The following WNT9A variants were observed in gnomAD, a reference collection of about 807,000 sequenced individuals.
WNT9A encodes the protein protein Wnt-9a.
Under a neutral mutation model 31.4 loss-of-function variants are expected in WNT9A, and 8 were observed. The ratio of observed to expected loss-of-function variants is 0.26; its 90% CI spans 0.15 to 0.46. WNT9A has a LOEUF of 0.46. WNT9A is among the 20% of genes least tolerant of loss of function. The probability of loss-of-function intolerance (pLI) is 0.99; values close to 1 mark genes in which losing one functional copy is unlikely to be tolerated. For synonymous variants in WNT9A, 236 were observed against 220.1 expected, an observed-to-expected ratio of 1.07 and a Z score of -0.64; for missense variants, 457 against 522.9, an observed-to-expected ratio of 0.87 and a Z score of 1.23.
intron 1 of WNT9A, among the ~76,000 whole-genome samples, chr1:227,944,391 C>T (rs1018689364): frequency 6.6e-6 from 1 of 152,100 alleles, no homozygotes; most frequent in South Asian, 2.1e-4. Flanking sequence ...CTGCCTAATG[C>T]GTATGAGGTT....
chr1:227,931,796 TG>T (rs1354534219), intron 1 of WNT9A, among the ~76,000 whole-genome samples: 1 of 152,056 alleles, frequency 6.6e-6, no homozygotes, highest in African/African-American at 2.4e-5. Flanking sequence ...ATCTTTTCGC[TG>T]GGGGAGGGTC....
rs1049395274 is a variant in WNT9A, at chr1:227,927,036, T to C, written c.96-1517A>G. 3.9e-5 allele frequency among the ~76,000 whole-genome samples: 6 copies of C among 151,918 alleles called. No individual in the cohort carries two copies. In the East Asian group the frequency reaches 7.8e-4, roughly 20 times the overall value. Reference sequence around the variant, plus strand: ...TCCACAGGAGCCACCCACCTGGTGGTCATGCTGAGATACCCTGCCCGGCCA... The same window carrying C: ...TCCACAGGAGCCACCCACCTGGTGGCCATGCTGAGATACCCTGCCCGGCCA... On this transcript the variant is annotated intron_variant, in intron 1 of 3. Coordinates refer to ENST00000272164, the MANE Select transcript of WNT9A (RefSeq NM_003395.4).
intron 1 of WNT9A, among the ~76,000 whole-genome samples, chr1:227,931,283 G>C (rs1045091523): frequency 6.6e-6 from 1 of 152,140 alleles, no homozygotes; most frequent in African/African-American, 2.4e-5. Flanking sequence ...GATGTCTTCC[G>C]ATAGTGTCTT....
intron 1 of WNT9A, among the ~76,000 whole-genome samples, chr1:227,937,929 G>A (rs1462092441): frequency 2.0e-5 from 3 of 152,184 alleles, no homozygotes; most frequent in African/African-American, 7.2e-5. Context: ...CCAAAACCCA[G>A]CATGAGGCCA....
Position 227,921,329 on chromosome 1 carries a change from C to T in WNT9A, c.*189G>A, listed in dbSNP as rs764448446. ...CTAGGACTGAGCCCAGGGACTCACCCCACGCTGCTAGGTCTGAGCCCAGGG... is the reference window on the plus strand; with the variant it reads ...CTAGGACTGAGCCCAGGGACTCACCTCACGCTGCTAGGTCTGAGCCCAGGG... On this transcript the variant is annotated 3_prime_UTR_variant, in exon 4 of 4. Coordinates refer to ENST00000272164, the MANE Select transcript of WNT9A (RefSeq NM_003395.4). 7 of 876,654 alleles carry T rather than the reference C, an allele frequency of 8.0e-6. No individual in the cohort carries two copies. Among genetic ancestry groups the T allele is most frequent in the Non-Finnish European group, 1.2e-5 (7 of 589,814 alleles). 54.3% of individuals were successfully genotyped at this position (876,654 alleles called of 1,614,324 possible). A position where few individuals can be genotyped will look rare whatever the true frequency, so the allele number is the denominator to read the frequency against.
Position 227,924,061 on chromosome 1 carries a change from G to GT in WNT9A, c.615+76dup. On this transcript the variant is annotated intron_variant, in intron 3 of 3. Transcript: ENST00000272164. ...CTGCCCTGCTGCAGCCCCGCCCCCA[G>GT]TCCCACGCCCCACCCCCAACCCCCT... 5 of 114,742 alleles carry GT rather than the reference G, an allele frequency of 4.4e-5. 1 individual carries two copies. The highest frequency in any genetic ancestry group is 4.9e-4 in the South Asian group (2 of 4,108). The allele number at this position is 114,742 out of a possible 1,614,324, so 7.1% of individuals were successfully genotyped here. A position where few individuals can be genotyped will look rare whatever the true frequency, so the allele number is the denominator to read the frequency against.
At chr1:227,939,353 G>A (rs548555916) in intron 1 of WNT9A, among the ~76,000 whole-genome samples, 1 of 152,320 alleles carries the variant, frequency 6.6e-6, no homozygotes, top group African/African-American at 2.4e-5. Context: ...CCACAGGAGT[G>A]GAGCTTAGCA....
intron 2 of WNT9A, 42 bp from the exon 3 acceptor site, chr1:227,924,442 G>A: frequency 6.3e-7 from 1 of 1,585,990 alleles, no homozygotes; most frequent in Non-Finnish European, 8.6e-7. Flanking sequence ...AGGCTGCCCA[G>A]AGTTCCCCCT....
intron 1 of WNT9A, among the ~76,000 whole-genome samples, chr1:227,939,549 C>G (rs1370021286): frequency 6.6e-6 from 1 of 152,160 alleles, no homozygotes; most frequent in Admixed American, 6.5e-5. Context: ...GACAGCCACC[C>G]CACACTGCCA....
In WNT9A at chr1:227,926,338, C is replaced by T. The variant is rs2102719818; in HGVS notation, c.96-819G>A. ...CTCAACTGCTCCAGGAACCCGGCTC[C>T]ACCCCACTGGGTGCCCCCTCCCCCC... is the stretch of plus-strand genomic sequence containing the variant. On this transcript the variant is annotated intron_variant, in intron 1 of 3. Transcript: ENST00000272164. The surrounding 1 kb of genome is among the most constrained non-coding windows in gnomAD (Gnocchi z 5.0). Among the ~76,000 whole-genome samples the T allele has an allele frequency of 6.6e-6, 1 of 152,226 alleles. No homozygotes were observed. Among genetic ancestry groups the T allele is most frequent in the African/African-American group, 2.4e-5 (1 of 41,540 alleles).
Position 227,942,260 on chromosome 1 carries a change from TA to T in WNT9A, c.95+5532del, listed in dbSNP as rs1475012773. On this transcript the variant is annotated intron_variant, in intron 1 of 3. Coordinates refer to ENST00000272164, the MANE Select transcript of WNT9A (RefSeq NM_003395.4). The surrounding 1 kb of genome is among the most constrained non-coding windows in gnomAD (Gnocchi z 5.7). ...AGGCCAGGCACTGCTGCTCCGTCCT[TA>T]CCACACACCCTCCACACCCTCCAGG... Among the ~76,000 whole-genome samples the T allele has an allele frequency of 2.6e-5, 4 of 152,078 alleles. No homozygotes were observed. Among genetic ancestry groups the T allele is most frequent in the Admixed American group, 2.6e-4 (4 of 15,276 alleles).
chr1:227,944,856 G>A lies in WNT9A; in HGVS notation c.95+2937C>T, dbSNP rs536822716. On this transcript the variant is annotated intron_variant, in intron 1 of 3. Transcript: ENST00000272164. The stretch of plus-strand genomic sequence containing the variant: ...GGGCCACCACCACAAAACAGCCTCA[G>A]GGTCTTTAAAAAAGAACTCCAGTGG... Among the ~76,000 whole-genome samples, 5 of 152,346 alleles carry A rather than the reference G, an allele frequency of 3.3e-5. No homozygotes were observed. The East Asian group carries it at 9.7e-4, about 29-fold the overall frequency.
rs1666378217 is a variant in WNT9A at position 227,924,289 on chromosome 1, G to A, written c.464C>T (p.Pro155Leu). ...CCAGGCCTCACGGTTCTCCAGGTCG[G>A]GTGCCTCATCGCAGGTACAGCGCTC... is the stretch of plus-strand genomic sequence containing the variant. ...RMERCTCDEAPDLENREAWQW... is the reference protein window; with the variant it reads ...RMERCTCDEALDLENREAWQW... The change falls in exon 3 of 4, where the codon CCC becomes CTC. Residue 155 changes from proline (P) to leucine (L), a missense_variant. Physicochemically the swap from Pro to Leu is moderately conservative, Grantham distance 98. Coordinates refer to ENST00000272164, the MANE Select transcript of WNT9A (RefSeq NM_003395.4). 6 of 1,613,814 alleles carry A rather than the reference G, an allele frequency of 3.7e-6. No homozygotes were observed. The East Asian group carries it at 1.3e-4, about 36-fold the overall frequency.
Position 227,921,217 on chromosome 1 carries a change from G to A in WNT9A, c.*301C>T, listed in dbSNP as rs1666306336. ...ACACCGTGTGCAATGCCTGTGCCAT[G>A]TGCAGCAGGGCTGACTGGGCCCAGG... On this transcript the variant is annotated 3_prime_UTR_variant, in exon 4 of 4. Coordinates refer to ENST00000272164, the MANE Select transcript of WNT9A (RefSeq NM_003395.4). 3 of 403,762 alleles carry A rather than the reference G, an allele frequency of 7.4e-6. No individual in the cohort carries two copies. The highest frequency in any genetic ancestry group is 7.7e-5 in the Admixed American group (2 of 26,040). The allele number at this position is 403,762 out of a possible 1,614,324, so 25.0% of individuals were successfully genotyped here. A position where few individuals can be genotyped will look rare whatever the true frequency, so the allele number is the denominator to read the frequency against.
rs59594965 is a variant in WNT9A at position 227,919,686 on chromosome 1, TAC to T, written c.*1830_*1831del. On this transcript the variant is annotated 3_prime_UTR_variant, in exon 4 of 4. Transcript: ENST00000272164. ...CACAGCCAAGCTGACCATGCCAGTA[TAC>T]ACACACACACACACACACACACACA... 25,066 of 135,170 alleles carry T rather than the reference TAC, an allele frequency of 0.19. 2,373 individuals carry two copies. Among genetic ancestry groups the T allele is most frequent in the South Asian group, 0.33 (1,358 of 4,176 alleles). The allele number at this position is 135,170 out of a possible 1,614,324, so 8.4% of individuals were successfully genotyped here. A position where few individuals can be genotyped will look rare whatever the true frequency, so the allele number is the denominator to read the frequency against.
In WNT9A at chr1:227,925,347, C is replaced by T; in HGVS notation, c.268G>A (p.Ala90Thr). 6.2e-7 allele frequency: 1 copy of T among 1,610,978 alleles called. No homozygotes were observed. The highest frequency in any genetic ancestry group is 1.1e-5 in the South Asian group (1 of 90,850). ...ETLVEAVSMS[A>T]LECQFQFRFE... ...CGGAACTGGAACTGGCACTCGAGCG[C>T]ACTCATGCTCACGGCCTCCACCAGC... Residue 90 changes from alanine (A) to threonine (T), a missense_variant, in exon 2 of 4, where the codon GCG becomes ACG. Physicochemically the swap from Ala to Thr is moderately conservative, Grantham distance 58 (BLOSUM62 0). Coordinates refer to ENST00000272164, the MANE Select transcript of WNT9A (RefSeq NM_003395.4). This position sits in a 1 kb window ranked among gnomAD's most constrained non-coding sequence, Gnocchi z 6.0.
At chr1:227,927,027 A>G (rs621631) in intron 1 of WNT9A, among the ~76,000 whole-genome samples, 82,554 of 151,874 alleles carry the variant, frequency 0.54, 22,803 homozygotes, top group African/African-American at 0.65. Context: ...GGAGCCACCC[A>G]CCTGGTGGTC....
chr1:227,935,017 G>C (rs1405833035), intron 1 of WNT9A, among the ~76,000 whole-genome samples: 2 of 149,306 alleles, frequency 1.3e-5, no homozygotes, highest in African/African-American at 4.9e-5. Context: ...TACAGAGCCT[G>C]AGTCACAGCC....
At chr1:227,946,657 A>G (rs1325607040) in intron 1 of WNT9A, among the ~76,000 whole-genome samples, 2 of 152,242 alleles carry the variant, frequency 1.3e-5, no homozygotes, top group Non-Finnish European at 2.9e-5. Context: ...GAAAAACACA[A>G]AGGGAAAGTT....
Sources: allele counts gnomAD v4.1 joint callset (sites outside exome capture counted in the v4.1 genomes callset), GRCh38; gene constraint gnomAD v4.1.1; non-coding constraint Gnocchi (gnomAD v3.1); transcripts MANE v1.5; gene names NCBI Gene and HGNC (gene_info 2026-07-23, HGNC 2026-07-21).